The following PCDHGB3 variants were observed in gnomAD, a reference collection of about 807,000 sequenced individuals.
The protein encoded by PCDHGB3 is protocadherin gamma subfamily B, 3, also known as protocadherin gamma-B3.
A neutral mutation model predicts 59.2 loss-of-function variants in PCDHGB3; 40 were observed. That is an observed-to-expected ratio of 0.68 (90% CI 0.52 to 0.88). PCDHGB3 has a LOEUF of 0.88. PCDHGB3 is among the 40% of genes least tolerant of loss of function. The pLI is 0.00. For missense variants in PCDHGB3, 1,309 were observed against 1,187.9 expected, an observed-to-expected ratio of 1.10 and a Z score of -1.50; for synonymous variants, 581 against 503.6, an observed-to-expected ratio of 1.15 and a Z score of -2.06.
At position 141,489,559 on chromosome 5, in the gene PCDHGB3, C is replaced by A; in HGVS notation, c.2416-5248C>A. ...CAGCACCAGCTGCCTGCTGCCAGTG[C>A]AGGTGGTGACTGAACACCCCCTGGA... On this transcript the variant is annotated intron_variant, in intron 1 of 3. Coordinates refer to ENST00000576222, the MANE Select transcript of PCDHGB3 (RefSeq NM_018924.5). This position sits in a 1 kb window ranked among gnomAD's most constrained non-coding sequence, Gnocchi z 4.5. The A allele has an allele frequency of 6.2e-7, 1 of 1,614,078 alleles. No homozygotes were observed. The highest frequency in any genetic ancestry group is 8.5e-7 in the Non-Finnish European group (1 of 1,180,014).
chr5:141,389,323 G>A (rs1230521211), intron 1 of PCDHGB3: 1 of 1,613,862 alleles, frequency 6.2e-7, no homozygotes. Context: ...CCGGACTTGG[G>A]GCCCAACGGC....
In PCDHGB3 at chr5:141,410,321, G is replaced by A. The variant is rs749017304; in HGVS notation, c.2415+37512G>A. ...AATCTCAGTGCTCTTCCTCCTCGCC[G>A]TGATTCTGGCCATTGCCTTGCGCCT... On this transcript the variant is annotated intron_variant, in intron 1 of 3. Transcript: ENST00000576222. The A allele has an allele frequency of 3.7e-6, 6 of 1,613,842 alleles. No homozygotes were observed. The East Asian group carries it at 1.1e-4, about 30-fold the overall frequency.
intron 1 of PCDHGB3, chr5:141,405,551 A>G: frequency 1.6e-6 from 1 of 623,672 alleles, no homozygotes; most frequent in Non-Finnish European, 2.8e-6. Context: ...TCCCAAGTAG[A>G]GTAGCTGGGA....
intron 1 of PCDHGB3, chr5:141,430,796 C>T (rs1347347402): frequency 6.6e-6 from 10 of 1,522,232 alleles, no homozygotes; most frequent in Non-Finnish European, 8.8e-6. Flanking sequence ...CTACAAAGGG[C>T]TTGTCCTGCT....
rs1222348421 is a variant in PCDHGB3, at chr5:141,511,044, C to T, written c.2661C>T (p.Asp887=). 1 of 1,614,128 alleles carries T rather than the reference C, an allele frequency of 6.2e-7. No homozygotes were observed. The highest frequency in any genetic ancestry group is 1.3e-5 in the African/African-American group (1 of 74,940). ...GPQFTLQHVP[D]YRQNVYIPGS... is the part of the protein sequence containing the mutation. ...AGTTCACCCTGCAGCACGTGCCCGA[C>T]TACCGCCAGAATGTCTACATCCCAG... The change falls in exon 4 of 4, where the codon GAC becomes GAT. Residue 887 remains aspartate, a synonymous_variant. Coordinates refer to ENST00000576222, the MANE Select transcript of PCDHGB3 (RefSeq NM_018924.5).
chr5:141,392,841 C>T (rs1464167244), intron 1 of PCDHGB3: 3 of 1,608,800 alleles, frequency 1.9e-6, no homozygotes, highest in Non-Finnish European at 8.5e-7. Flanking sequence ...TCGCCCCAGA[C>T]GCGGCGAGCT....
Position 141,370,565 on chromosome 5 carries a change from C to T in PCDHGB3, c.171C>T (p.Gly57=), listed in dbSNP as rs776498616. The part of the protein sequence containing the change: ...VGNLAKDLGF[G]VGDLPTRNLR... ...ACCTCGCCAAGGACCTGGGGTTTGG[C>T]GTGGGGGATTTACCTACTAGGAACC... The change falls in exon 1 of 4, where the codon GGC becomes GGT. Residue 57 remains glycine (G), a synonymous_variant. Transcript: ENST00000576222. The T allele has an allele frequency of 1.9e-5, 31 of 1,613,664 alleles. No individual in the cohort carries two copies. In the Admixed American group the frequency reaches 5.2e-4, roughly 27 times the overall value.
At chr5:141,419,642 G>A (rs376762490) in intron 1 of PCDHGB3, 1 of 1,612,412 alleles carries the variant, frequency 6.2e-7, no homozygotes, top group African/African-American at 1.3e-5. Context: ...GGTGGCCGTG[G>A]ACGCGGACTC....
intron 1 of PCDHGB3, chr5:141,428,122 G>A: frequency 6.2e-7 from 1 of 1,606,172 alleles, no homozygotes; most frequent in Non-Finnish European, 8.5e-7. Context: ...ATCGAGCCCG[G>A]GCTTTTCAGC....
chr5:141,492,042 A>T, intron 1 of PCDHGB3: 1 of 519,520 alleles, frequency 1.9e-6, no homozygotes, highest in Non-Finnish European at 3.4e-6. Context: ...GCAGTCACAG[A>T]TCCACCCCTG....
intron 1 of PCDHGB3, chr5:141,403,588 C>CGGTG (rs773103981): frequency 1.2e-6 from 2 of 1,613,904 alleles, no homozygotes; most frequent in East Asian, 2.2e-5. Flanking sequence ...ACCTGGTCCT[C>CGGTG]ACGGCCTCGG....
intron 1 of PCDHGB3, among the ~76,000 whole-genome samples, chr5:141,472,422 C>T (rs1328468154): frequency 6.6e-6 from 1 of 152,008 alleles, no homozygotes; most frequent in East Asian, 1.9e-4. Flanking sequence ...GCACCTGTAT[C>T]CCAGCTACTA....
At chr5:141,423,471 G>A in intron 1 of PCDHGB3, 1 of 1,614,052 alleles carries the variant, frequency 6.2e-7, no homozygotes, top group South Asian at 1.1e-5. Context: ...ACGGGGTACA[G>A]GCTTTCCTGC....
intron 1 of PCDHGB3, chr5:141,375,178 A>G: frequency 6.2e-7 from 1 of 1,613,980 alleles, no homozygotes; most frequent in Non-Finnish European, 8.5e-7. Context: ...CAGGAACAGT[A>G]ATCGCCCTTT....
chr5:141,438,767 T>C (rs1478209487), intron 1 of PCDHGB3, among the ~76,000 whole-genome samples: 2 of 148,566 alleles, frequency 1.3e-5, no homozygotes, highest in Non-Finnish European at 3.0e-5. Flanking sequence ...GTTCAAGCGA[T>C]TCTCCTGCCT....
chr5:141,478,716 G>T, intron 1 of PCDHGB3: 1 of 1,545,206 alleles, frequency 6.5e-7, no homozygotes. Flanking sequence ...TGAGATGGTG[G>T]CCTGCCAGAG....
chr5:141,423,811 T>G, intron 1 of PCDHGB3: 1 of 1,254,642 alleles, frequency 8.0e-7, no homozygotes, highest in Non-Finnish European at 1.0e-6. Flanking sequence ...ACATGTGAGT[T>G]TTACTTTGCC....
In PCDHGB3 at chr5:141,371,348, G is replaced by T. The variant is rs1767688523; in HGVS notation, c.954G>T (p.Gly318=). 4 of 1,613,932 alleles carry T rather than the reference G, an allele frequency of 2.5e-6. No individual in the cohort carries two copies. Among genetic ancestry groups the T allele is most frequent in the Middle Eastern group, 3.3e-4 (2 of 6,062 alleles). Residue 318 remains glycine (G), a synonymous_variant, in exon 1 of 4, where the codon GGG becomes GGT. Transcript: ENST00000576222. ...AAGAGAGAGATAGCTACACAATTGG[G>T]GTGGAAGCAAAGGATGGTGGACATC... The part of the protein sequence containing the change: ...DFEERDSYTI[G]VEAKDGGHHT...
In PCDHGB3 at chr5:141,394,544, G is replaced by A. The variant is rs759661980; in HGVS notation, c.2415+21735G>A. 2.5e-6 allele frequency: 4 copies of A among 1,614,054 alleles called. No individual in the cohort carries two copies. In the South Asian group the frequency reaches 3.3e-5, roughly 13 times the overall value. ...CAGACGGTTCCACTGGCGTGGAGCT[G>A]GCGCCCCGCTCCGCAGAGCGTGGCT... On this transcript the variant is annotated intron_variant, in intron 1 of 3. Coordinates refer to ENST00000576222, the MANE Select transcript of PCDHGB3 (RefSeq NM_018924.5).
Sources: allele counts gnomAD v4.1 joint callset (sites outside exome capture counted in the v4.1 genomes callset), GRCh38; gene constraint gnomAD v4.1.1; non-coding constraint Gnocchi (gnomAD v3.1); transcripts MANE v1.5; gene names NCBI Gene and HGNC (gene_info 2026-07-23, HGNC 2026-07-21).